The following PBX1 variants were observed in gnomAD, a reference collection of about 807,000 sequenced individuals.
PBX1 encodes PBX homeobox 1.
In PBX1, 6 loss-of-function variants were observed where a neutral mutation model predicts 53.4. The ratio of observed to expected loss-of-function variants is 0.11; its 90% CI spans 0.06 to 0.22. The LOEUF (loss-of-function observed/expected upper bound fraction) is 0.22, where lower values mean the gene tolerates loss of function less well. Among genes scored for constraint, PBX1 ranks in the 10% least tolerant of loss-of-function variants. The pLI is 1.00. For missense variants in PBX1, 251 were observed against 551.4 expected (o/e 0.46, Z 5.46); for synonymous variants, 204 against 212.3 (o/e 0.96, Z 0.34).
intron 2 of PBX1, among the ~76,000 whole-genome samples, chr1:164,737,211 T>C (rs1180638512): frequency 1.3e-5 from 2 of 152,172 alleles, no homozygotes; most frequent in Non-Finnish European, 2.9e-5. Flanking sequence ...TTTTTAGTTC[T>C]TCGAATGGTC....
rs866575230 is a variant in PBX1 at position 164,676,808 on chromosome 1, C to T, written c.265+113497C>T. Reference sequence around the variant, plus strand: ...GTGTTCCTTTGCCCAAACCTTGAGCCCTGAGGGGGCTCAGGTCTGCTTTTA... The same window carrying T: ...GTGTTCCTTTGCCCAAACCTTGAGCTCTGAGGGGGCTCAGGTCTGCTTTTA... On this transcript the variant is annotated intron_variant, in intron 2 of 8. Coordinates refer to ENST00000420696, the MANE Select transcript of PBX1 (RefSeq NM_002585.4). Among the ~76,000 whole-genome samples, 4 of 152,256 alleles carry T rather than the reference C, an allele frequency of 2.6e-5. No individual in the cohort carries two copies. The Middle Eastern group carries it at 0.01, about 388-fold the overall frequency.
downstream of PBX1, among the ~76,000 whole-genome samples, chr1:164,853,893 A>T (rs910699470): frequency 6.6e-6 from 1 of 151,962 alleles, no homozygotes; most frequent in Non-Finnish European, 1.5e-5. Flanking sequence ...CTTATAGATT[A>T]GACTTCCACC....
intron 4 of PBX1, among the ~76,000 whole-genome samples, chr1:164,806,809 G>A (rs188400697): frequency 3.9e-5 from 6 of 152,226 alleles, no homozygotes; most frequent in Admixed American, 1.3e-4. Flanking sequence ...CCAAGTTGTA[G>A]CAGCTGCCAC....
intron 2 of PBX1, among the ~76,000 whole-genome samples, chr1:164,655,622 A>G (rs1239344008): frequency 6.6e-6 from 1 of 152,206 alleles, no homozygotes; most frequent in Non-Finnish European, 1.5e-5. Flanking sequence ...GGTAATGTTC[A>G]GTGAAATTTT....
At chr1:164,634,862 C>T (rs1658643537) in intron 2 of PBX1, among the ~76,000 whole-genome samples, 2 of 151,974 alleles carry the variant, frequency 1.3e-5, no homozygotes, top group African/African-American at 2.4e-5. Flanking sequence ...TGGAGAGTGC[C>T]AGGTTTCACC....
chr1:164,806,283 C>T (rs1267969187), intron 4 of PBX1, among the ~76,000 whole-genome samples: 1 of 151,940 alleles, frequency 6.6e-6, no homozygotes, highest in East Asian at 1.9e-4. Flanking sequence ...TTTTTTAAGG[C>T]AGAAAATGCT....
At chr1:164,647,198 C>T (rs904762533) in intron 2 of PBX1, among the ~76,000 whole-genome samples, 1 of 152,220 alleles carries the variant, frequency 6.6e-6, no homozygotes, top group African/African-American at 2.4e-5. Flanking sequence ...TTTCATGGCA[C>T]CTTCCCTTTC....
chr1:164,573,766 G>A (rs1019688984), intron 2 of PBX1, among the ~76,000 whole-genome samples: 1 of 152,126 alleles, frequency 6.6e-6, no homozygotes, highest in Non-Finnish European at 1.5e-5. Context: ...GATTACAGGC[G>A]TGAGCCACCG....
chr1:164,650,526 A>G (rs1659738976), intron 2 of PBX1, among the ~76,000 whole-genome samples: 1 of 152,048 alleles, frequency 6.6e-6, no homozygotes, highest in African/African-American at 2.4e-5. Context: ...ATGCCTAACT[A>G]TCGTTGCTAC....
intron 2 of PBX1, among the ~76,000 whole-genome samples, chr1:164,707,424 A>G (rs61801345): frequency 1.1e-5 from 1 of 88,474 alleles, no homozygotes; most frequent in African/African-American, 4.8e-5. Flanking sequence ...TGTGTGAGAG[A>G]GAGAGAGAGA....
chr1:164,618,812 T>C (rs1202939328), intron 2 of PBX1, among the ~76,000 whole-genome samples: 1 of 152,202 alleles, frequency 6.6e-6, no homozygotes, highest in Non-Finnish European at 1.5e-5. Flanking sequence ...TTAATAGGCA[T>C]TGGTTGATTT....
At position 164,799,778 on chromosome 1, in the gene PBX1, T is replaced by C. The variant is rs1668976271; in HGVS notation, c.590T>C (p.Ile197Thr). Reference sequence around the variant, plus strand: ...ACCAGGCCCATCTCCCCAAAGGAGATTGAGCGGATGGTCAGCATCATCCAC... The same window carrying C: ...ACCAGGCCCATCTCCCCAAAGGAGACTGAGCGGATGGTCAGCATCATCCAC... ...SRTRPISPKE[I>T]ERMVSIIHRK... The change falls in exon 4 of 9, where the codon ATT becomes ACT. Residue 197 changes from isoleucine to threonine, a missense_variant. By Grantham distance (89) the Ile-to-Thr change is moderately conservative (BLOSUM62 -1). Transcript: ENST00000420696. The C allele has an allele frequency of 4.3e-6, 7 of 1,614,110 alleles. No homozygotes were observed. Among genetic ancestry groups the C allele is most frequent in the Non-Finnish European group, 5.9e-6 (7 of 1,180,024 alleles).
chr1:164,681,470 A>G (rs888142431), intron 2 of PBX1, among the ~76,000 whole-genome samples: 8 of 152,194 alleles, frequency 5.3e-5, no homozygotes, highest in Admixed American at 2.0e-4. Context: ...ATATATTAAG[A>G]TATTAATTTC....
intron 2 of PBX1, among the ~76,000 whole-genome samples, chr1:164,617,955 C>T (rs531892042): frequency 6.6e-6 from 1 of 152,198 alleles, no homozygotes; most frequent in South Asian, 2.1e-4. Flanking sequence ...ATAACACATA[C>T]CCCAAATCAG....
chr1:164,711,755 G>A (rs762534414), intron 2 of PBX1, among the ~76,000 whole-genome samples: 3 of 152,194 alleles, frequency 2.0e-5, no homozygotes, highest in Admixed American at 2.0e-4. Flanking sequence ...TGATGTATAT[G>A]TGTACATGTG....
At chr1:164,671,144 A>G (rs1462916157) in intron 2 of PBX1, among the ~76,000 whole-genome samples, 3 of 152,124 alleles carry the variant, frequency 2.0e-5, no homozygotes, top group Non-Finnish European at 4.4e-5. Flanking sequence ...AGAAATCACA[A>G]AACAAATATA....
At chr1:164,810,313 GTTCA>G (rs1669544728) in intron 5 of PBX1, among the ~76,000 whole-genome samples, 1 of 152,102 alleles carries the variant, frequency 6.6e-6, no homozygotes. Flanking sequence ...TGAGTAATTA[GTTCA>G]TTCATGATAA....
chr1:164,664,843 G>T (rs1438825136), intron 2 of PBX1, among the ~76,000 whole-genome samples: 1 of 152,108 alleles, frequency 6.6e-6, no homozygotes, highest in African/African-American at 2.4e-5. Flanking sequence ...AGACTTATTT[G>T]CTATCAAGAG....
rs12040636 is a variant in PBX1, at chr1:164,827,421, C to T, written c.1200+5795C>T. 2.6e-5 allele frequency among the ~76,000 whole-genome samples: 4 copies of T among 152,276 alleles called. No homozygotes were observed. The East Asian group carries it at 7.7e-4, about 29-fold the overall frequency. ...GGTGCTATGACCAGGAACTAGTGAA[C>T]AGCCCCAAAACTGAGGGGTAAAGGT... On this transcript the variant is annotated intron_variant, in intron 8 of 8. Coordinates refer to ENST00000420696, the MANE Select transcript of PBX1 (RefSeq NM_002585.4).
Sources: allele counts gnomAD v4.1 joint callset (sites outside exome capture counted in the v4.1 genomes callset), GRCh38; gene constraint gnomAD v4.1.1; transcripts MANE v1.5; gene names NCBI Gene and HGNC (gene_info 2026-07-23, HGNC 2026-07-21).